Variants in DPP8 observed in about 807,000 individuals in gnomAD.
The protein encoded by DPP8 is DPP VIII.
DPP8 carries 31 observed loss-of-function variants against 107.5 expected under a neutral mutation model. The observed-to-expected ratio is 0.29, with a 90% CI of 0.22 to 0.39. The LOEUF is 0.39. Among genes scored for constraint, DPP8 ranks in the 10% least tolerant of loss-of-function variants. DPP8 has a pLI of 1.00. For synonymous variants in DPP8, 381 were observed against 356.6 expected (o/e 1.07, Z -0.77); for missense variants, 842 against 1,076.1 (o/e 0.78, Z 3.04).
At chr15:65,447,539 A>G (rs561055790) in intron 19 of DPP8, among the ~76,000 whole-genome samples, 10 of 152,224 alleles carry the variant, frequency 6.6e-5, no homozygotes, top group Non-Finnish European at 1.3e-4. Context: ...ACCTTTGAGT[A>G]GAAGTCTTTT....
At position 65,479,027 on chromosome 15, in the gene DPP8, A is replaced by C. The variant is rs760488072; in HGVS notation, c.1309T>G (p.Phe437Val). ...TDIWINIHDI[F>V]HVFPQSHEEE... ...TCGTGACTTTGGGGAAAAACATGAA[A>C]GATGTCATGGATCTGTAAAATGAAT... The change falls in exon 11 of 20, where the codon TTT becomes GTT. Residue 437 changes from phenylalanine (F) to valine (V), a missense_variant. By Grantham distance (50) the Phe-to-Val change is conservative. Around this residue, in one of 2 missense-constraint regions of DPP8, gnomAD observed 663 missense variants for 758.0 expected, o/e 0.87. Coordinates refer to ENST00000300141, the MANE Select transcript of DPP8 (RefSeq NM_130434.5). 1.3e-6 allele frequency: 2 copies of C among 1,582,718 alleles called. No individual in the cohort carries two copies. The highest frequency in any genetic ancestry group is 1.7e-6 in the Non-Finnish European group (2 of 1,167,784).
intron 1 of DPP8, chr15:65,516,452 G>T (rs1377885821): frequency 6.6e-6 from 1 of 151,898 alleles, no homozygotes; most frequent in Non-Finnish European, 1.5e-5. Flanking sequence ...AAAAAGGAAG[G>T]TCTGCTATTA....
intron 7 of DPP8, 43 bp downstream of exon 7, chr15:65,487,647 A>G (rs770149784): frequency 3.2e-6 from 5 of 1,571,682 alleles, no homozygotes; most frequent in South Asian, 1.2e-5. Context: ...TCTTATTTGG[A>G]AAGAGGAAAT....
chr15:65,466,812 T>C lies in DPP8; in HGVS notation c.1691A>G (p.His564Arg). 1.2e-6 allele frequency: 2 copies of C among 1,608,470 alleles called. No homozygotes were observed. The highest frequency in any genetic ancestry group is 2.2e-5 in the South Asian group (2 of 89,946). ...GYSHSCCISQ[H>R]CDFFISKYSN... Reference sequence around the variant, plus strand: ...ATACTTACTTATAAAGAAGTCACAGTGCTAGAGAAAGGAGAAACAATTATA... The same window carrying C: ...ATACTTACTTATAAAGAAGTCACAGCGCTAGAGAAAGGAGAAACAATTATA... The change falls in exon 14 of 20, where the codon CAC (histidine) becomes CGC (arginine). Residue 564 changes from histidine to arginine, a missense_variant and splice_region_variant. Coordinates refer to ENST00000300141, the MANE Select transcript of DPP8 (RefSeq NM_130434.5).
At position 65,460,453 on chromosome 15, in the gene DPP8, TCAAA is replaced by T. The variant is rs201391319; in HGVS notation, c.1971+3304_1971+3307del. Among the ~76,000 whole-genome samples, 1,241 of 146,640 alleles carry T rather than the reference TCAAA, an allele frequency of 8.5e-3. 15 individuals are homozygous for T. Among genetic ancestry groups the T allele is most frequent in the African/African-American group, 0.029 (1,182 of 40,468 alleles). ...GCGAGACTGTCTCAAAAACAAAGAATCAAACAAACAAAGCACTCAAACACTCCCC... is the reference window on the plus strand; with the variant it reads ...GCGAGACTGTCTCAAAAACAAAGAATCAAACAAAGCACTCAAACACTCCCC... On this transcript the variant is annotated intron_variant, in intron 15 of 19. Coordinates refer to ENST00000300141, the MANE Select transcript of DPP8 (RefSeq NM_130434.5).
intron 10 of DPP8, among the ~76,000 whole-genome samples, chr15:65,479,269 A>C (rs576887698): frequency 1.3e-5 from 2 of 152,354 alleles, no homozygotes; most frequent in South Asian, 4.1e-4. Context: ...TGGAGTAAAA[A>C]AGAAAAATAT....
intron 19 of DPP8, among the ~76,000 whole-genome samples, chr15:65,449,956 TTTATTA>T (rs569238221): frequency 6.0e-5 from 7 of 116,210 alleles, no homozygotes; most frequent in South Asian, 3.5e-4. Context: ...CATGTAATAG[TTTATTA>T]TTATTATTAT....
intron 2 of DPP8, among the ~76,000 whole-genome samples, chr15:65,509,390 T>C (rs1431203698): frequency 6.6e-6 from 1 of 152,212 alleles, no homozygotes; most frequent in Admixed American, 6.5e-5. Context: ...CCTAGTTCCA[T>C]AATGTCTGCC....
At chr15:65,502,760 G>A (rs970874518) in intron 3 of DPP8, 2 of 151,942 alleles carry the variant, frequency 1.3e-5, no homozygotes, top group African/African-American at 4.8e-5. Flanking sequence ...AATAGTAGTG[G>A]GTTATCGGAA....
intron 12 of DPP8, 73 bp from the exon 13 acceptor site, chr15:65,467,296 C>T: frequency 2.7e-6 from 4 of 1,493,790 alleles, no homozygotes; most frequent in Non-Finnish European, 3.7e-6. Flanking sequence ...ATTTTATTTA[C>T]AATCACTTGA....
At position 65,445,465 on chromosome 15, in the gene DPP8, G is replaced by A. The variant is rs1246933958; in HGVS notation, c.*1419C>T. ...TCTCAATTAGCACCTGAAAGCCTATGAGCTCTCTTCATAGCTAAATCCTAG... is the reference window on the plus strand; with the variant it reads ...TCTCAATTAGCACCTGAAAGCCTATAAGCTCTCTTCATAGCTAAATCCTAG... On this transcript the variant is annotated 3_prime_UTR_variant, in exon 20 of 20. Coordinates refer to ENST00000300141, the MANE Select transcript of DPP8 (RefSeq NM_130434.5). The A allele has an allele frequency of 6.5e-6, 1 of 153,262 alleles. No individual in the cohort carries two copies. Among genetic ancestry groups the A allele is most frequent in the Non-Finnish European group, 1.5e-5 (1 of 68,016 alleles). 9.5% of individuals were successfully genotyped at this position (153,262 alleles called of 1,614,324 possible).
chr15:65,507,257 A>G lies in DPP8; in HGVS notation c.358T>C (p.Leu120=), dbSNP rs150368102. The change falls in exon 3 of 20, where the codon TTG becomes CTG. Residue 120 remains leucine (L), a synonymous_variant. Transcript: ENST00000300141. ...TTTAATCCTACCTGAAAAAGATCCA[A>G]AAGAGGCTTCCAAGAGAGCATTAAG... The part of the protein sequence containing the change: ...AVLMLSWKPL[L]DLFQATLDYG... 333 of 1,600,532 alleles carry G rather than the reference A, an allele frequency of 2.1e-4. No individual in the cohort carries two copies. Among genetic ancestry groups the G allele is most frequent in the Middle Eastern group, 3.3e-4 (2 of 6,026 alleles).
At chr15:65,514,469 T>C (rs1260062791) in intron 1 of DPP8, among the ~76,000 whole-genome samples, 1 of 152,194 alleles carries the variant, frequency 6.6e-6, no homozygotes, top group East Asian at 1.9e-4. Flanking sequence ...GGAGGCCTAC[T>C]TTCTACCAAA....
At chr15:65,453,947 T>A (rs1567138323) in intron 17 of DPP8, among the ~76,000 whole-genome samples, 1 of 151,244 alleles carries the variant, frequency 6.6e-6, no homozygotes, top group Non-Finnish European at 1.5e-5. Flanking sequence ...ATCTCTACTT[T>A]AAAAAAAATA....
chr15:65,515,872 ATAG>A (rs1265823282), intron 1 of DPP8: 1 of 587,360 alleles, frequency 1.7e-6, no homozygotes, highest in Non-Finnish European at 3.0e-6. Flanking sequence ...AAGCCCCAAA[ATAG>A]TAGTTAAAAC....
rs2140287894 is a variant in DPP8, at chr15:65,446,805, T to C, written c.*79A>G. ...GCAGGTATCAAAATGTGATGATCAA[T>C]TCTGTGTTTTCTGTTGATTAAACCT... is the stretch of plus-strand genomic sequence containing the variant. On this transcript the variant is annotated 3_prime_UTR_variant, in exon 20 of 20. Coordinates refer to ENST00000300141, the MANE Select transcript of DPP8 (RefSeq NM_130434.5). The C allele has an allele frequency of 7.2e-7, 1 of 1,391,722 alleles. No individual in the cohort carries two copies. The highest frequency in any genetic ancestry group is 2.5e-5 in the East Asian group (1 of 40,184). 86.2% of individuals were successfully genotyped at this position (1,391,722 alleles called of 1,614,324 possible). A position where few individuals can be genotyped will look rare whatever the true frequency, so the allele number is the denominator to read the frequency against.
In DPP8 at chr15:65,444,674, G is replaced by A. The variant is rs2063425796; in HGVS notation, c.*2210C>T. ...AGCATTCTTTGTGATAGGAGGAAAGGAGAAGGCAACATGCAAAAGGAAAAC... is the reference window on the plus strand; with the variant it reads ...AGCATTCTTTGTGATAGGAGGAAAGAAGAAGGCAACATGCAAAAGGAAAAC... On this transcript the variant is annotated 3_prime_UTR_variant, in exon 20 of 20. Transcript: ENST00000300141. The A allele has an allele frequency of 6.6e-6, 1 of 152,184 alleles. No homozygotes were observed. Among genetic ancestry groups the A allele is most frequent in the Admixed American group, 6.6e-5 (1 of 15,266 alleles). The allele number at this position is 152,184 out of a possible 1,614,324, so 9.4% of individuals were successfully genotyped here.
intron 5 of DPP8, among the ~76,000 whole-genome samples, chr15:65,491,858 A>G (rs975723476): frequency 6.6e-6 from 1 of 151,924 alleles, no homozygotes; most frequent in Non-Finnish European, 1.5e-5. Context: ...TCAGCCTCCC[A>G]AGTAGCTGGG....
At chr15:65,485,303 G>T in intron 7 of DPP8, 143 bp from the exon 8 acceptor site, 1 of 576,908 alleles carries the variant, frequency 1.7e-6, no homozygotes, top group East Asian at 3.2e-5. Flanking sequence ...CAGCACTTTG[G>T]CAGGTTGAGG....
Sources: allele counts gnomAD v4.1 joint callset (sites outside exome capture counted in the v4.1 genomes callset), GRCh38; gene constraint gnomAD v4.1.1; regional missense constraint gnomAD v4.1.1; transcripts MANE v1.5; gene names NCBI Gene and HGNC (gene_info 2026-07-23, HGNC 2026-07-21).